The following FMN1 variants were observed in gnomAD, a reference collection of about 807,000 sequenced individuals.
FMN1 encodes the protein formin 1.
Under a neutral mutation model 132.4 loss-of-function variants are expected in FMN1, and 110 were observed. The ratio of observed to expected loss-of-function variants is 0.83; its 90% CI spans 0.71 to 0.97. The LOEUF (loss-of-function observed/expected upper bound fraction) is 0.97. Among genes scored for constraint, FMN1 ranks in the 50% least tolerant of loss-of-function variants. The pLI, the probability that FMN1 is intolerant of heterozygous loss-of-function variation, is 0.00. For synonymous variants in FMN1, 722 were observed against 651.7 expected (o/e 1.11, Z -1.64); for missense variants, 1,792 against 1,705.3 (o/e 1.05, Z -0.90).
chr15:33,037,678 T>G (rs1437201970), intron 6 of FMN1, among the ~76,000 whole-genome samples: 1 of 152,218 alleles, frequency 6.6e-6, no homozygotes, highest in East Asian at 1.9e-4. Flanking sequence ...CAGAACTGAC[T>G]CAATAAATGT....
chr15:32,866,086 C>T (rs973484830), intron 16 of FMN1, among the ~76,000 whole-genome samples: 12 of 151,208 alleles, frequency 7.9e-5, no homozygotes, highest in African/African-American at 2.4e-4. Flanking sequence ...TGTGGGGTGG[C>T]GGGAGTGGGG....
intron 17 of FMN1, among the ~76,000 whole-genome samples, chr15:32,854,587 A>G (rs1230378567): frequency 1.3e-5 from 2 of 152,152 alleles, no homozygotes; most frequent in Non-Finnish European, 2.9e-5. Flanking sequence ...GGAGCTGATG[A>G]GCTGATTGTC....
chr15:33,116,157 T>C (rs937458891), intron 4 of FMN1, among the ~76,000 whole-genome samples: 1 of 152,198 alleles, frequency 6.6e-6, no homozygotes, highest in Non-Finnish European at 1.5e-5. Context: ...TATTAGTAGT[T>C]ACTTAAATCC....
chr15:32,880,593 C>G (rs188820026), intron 16 of FMN1, among the ~76,000 whole-genome samples: 1 of 152,252 alleles, frequency 6.6e-6, no homozygotes, highest in Admixed American at 6.5e-5. Context: ...ACAGCACTTT[C>G]TTTAGTAGCA....
chr15:32,848,140 G>A (rs1416957501), intron 17 of FMN1, among the ~76,000 whole-genome samples: 3 of 152,080 alleles, frequency 2.0e-5, no homozygotes, highest in East Asian at 1.9e-4. Context: ...ATGAGGAACA[G>A]GTAAAACACC....
intron 5 of FMN1, among the ~76,000 whole-genome samples, chr15:33,080,104 A>ACTCACATT (rs2038390493): frequency 1.3e-5 from 2 of 152,220 alleles, no homozygotes; most frequent in African/African-American, 2.4e-5. Context: ...TGCAAGAACA[A>ACTCACATT]GTCACATTGT....
At chr15:33,127,829 T>C (rs1270280731) in intron 4 of FMN1, among the ~76,000 whole-genome samples, 1 of 152,198 alleles carries the variant, frequency 6.6e-6, no homozygotes, top group Non-Finnish European at 1.5e-5. Flanking sequence ...TCAGTCTCCC[T>C]GAAAAATTCT....
At chr15:33,094,444 A>G (rs1293545492) in intron 4 of FMN1, among the ~76,000 whole-genome samples, 1 of 152,242 alleles carries the variant, frequency 6.6e-6, no homozygotes, top group Non-Finnish European at 1.5e-5. Context: ...GATAAGGAGA[A>G]TAACAATAAA....
chr15:32,969,271 C>G lies in FMN1; in HGVS notation c.2430G>C (p.Glu810Asp), dbSNP rs201595699. Residue 810 changes from glutamate to aspartate, a missense_variant, in exon 8 of 21, where the codon GAG becomes GAC. By Grantham distance (45) the Glu-to-Asp change is conservative (BLOSUM62 2). Coordinates refer to ENST00000616417, the MANE Select transcript of FMN1 (RefSeq NM_001277313.2). ...CACTTTCACAGGGCTTGAGGAAGGT[C>G]TCTCTGTCTGTCTGGACGCACACAT... ...FRNVCVQTDR[E>D]TFLKPCESES... 4.6e-5 allele frequency: 74 copies of G among 1,613,770 alleles called. No homozygotes were observed. Among genetic ancestry groups the G allele is most frequent in the Non-Finnish European group, 5.6e-5 (66 of 1,179,864 alleles).
At chr15:32,994,939 T>G (rs1000480791) in intron 7 of FMN1, among the ~76,000 whole-genome samples, 1 of 152,134 alleles carries the variant, frequency 6.6e-6, no homozygotes, top group African/African-American at 2.4e-5. Flanking sequence ...TTCATGTGTT[T>G]AAAGCAAAAA....
chr15:32,835,207 C>A (rs1047641387), intron 17 of FMN1, among the ~76,000 whole-genome samples: 1 of 152,084 alleles, frequency 6.6e-6, no homozygotes, highest in Non-Finnish European at 1.5e-5. Context: ...TCAGGCCTGA[C>A]CACGTAATCA....
chr15:33,066,580 C>G, intron 5 of FMN1: 2 of 1,611,488 alleles, frequency 1.2e-6, no homozygotes, highest in East Asian at 2.2e-5. Context: ...TTAGCGACTC[C>G]TTCTCATGTC....
chr15:32,950,036 C>CACAT (rs1434150779), intron 9 of FMN1, among the ~76,000 whole-genome samples: 1 of 5,464 alleles, frequency 1.8e-4, no homozygotes, highest in African/African-American at 4.8e-4. Flanking sequence ...TATATATACA[C>CACAT]ATATATATAT....
At chr15:33,002,767 C>T (rs1288343924) in intron 7 of FMN1, among the ~76,000 whole-genome samples, 1 of 152,126 alleles carries the variant, frequency 6.6e-6, no homozygotes, top group East Asian at 1.9e-4. Flanking sequence ...AATATTTATT[C>T]CTAGTTCAAT....
intron 4 of FMN1, among the ~76,000 whole-genome samples, chr15:33,102,851 C>G (rs956358346): frequency 2.0e-5 from 3 of 152,032 alleles, no homozygotes; most frequent in African/African-American, 4.8e-5. Flanking sequence ...AAGAAATGTA[C>G]TTTTAGCAAA....
intron 9 of FMN1, among the ~76,000 whole-genome samples, chr15:32,947,362 A>G (rs1458512743): frequency 6.6e-6 from 1 of 151,576 alleles, no homozygotes; most frequent in African/African-American, 2.4e-5. Flanking sequence ...AATTCTTTTC[A>G]CTCATTATTT....
chr15:32,773,188 T>G lies in FMN1; in HGVS notation c.*1122A>C, dbSNP rs968735343. ...CTGTGAACAATATTCCACTTGGAAG[T>G]TTTCTATTAATGTAATTACTTTCAT... On this transcript the variant is annotated 3_prime_UTR_variant, in exon 21 of 21. Transcript: ENST00000616417. The G allele has an allele frequency of 5.3e-5, 8 of 152,192 alleles. No individual in the cohort carries two copies. Among genetic ancestry groups the G allele is most frequent in the African/African-American group, 1.9e-4 (8 of 41,430 alleles). The allele number at this position is 152,192 out of a possible 1,614,324, so 9.4% of individuals were successfully genotyped here.
chr15:33,013,724 T>C (rs2034873125), intron 6 of FMN1, among the ~76,000 whole-genome samples: 2 of 152,202 alleles, frequency 1.3e-5, no homozygotes, highest in South Asian at 2.1e-4. Context: ...TTAAATCTTG[T>C]GTAAATGTTG....
intron 14 of FMN1, among the ~76,000 whole-genome samples, chr15:32,899,228 G>A (rs1018982978): frequency 2.0e-5 from 3 of 152,144 alleles, no homozygotes; most frequent in African/African-American, 4.8e-5. Flanking sequence ...AGGGAACCAG[G>A]GCCTAGAACA....
Sources: gnomAD v4.1 joint callset for allele counts (sites outside exome capture counted in the v4.1 genomes callset) on GRCh38, gnomAD v4.1.1 for gene constraint, MANE v1.5 for transcripts, NCBI Gene and HGNC (gene_info 2026-07-23, HGNC 2026-07-21) for gene names.